Variants in RSPH14 observed in about 807,000 individuals in gnomAD.
RSPH14 encodes rhabdoid tumor deletion region gene 1.
A neutral mutation model predicts 26.7 loss-of-function variants in RSPH14; 20 were observed. The ratio of observed to expected loss-of-function variants is 0.75; its 90% CI spans 0.53 to 1.09. RSPH14 has a LOEUF of 1.09. RSPH14 is among the 50% of genes least tolerant of loss of function. The probability of loss-of-function intolerance (pLI) is 0.00; values close to 1 mark genes in which losing one functional copy is unlikely to be tolerated. For synonymous variants in RSPH14, 177 were observed against 189.3 expected (o/e 0.93, Z 0.53); for missense variants, 449 against 457.2 (o/e 0.98, Z 0.16).
chr22:23,171,905 C>T, the RSPH14 span, among the ~76,000 whole-genome samples: 1 of 150,276 alleles, frequency 6.7e-6, no homozygotes, highest in Non-Finnish European at 1.5e-5. Context: ...AAAGTGGAAG[C>T]CAGGATCGGT....
the RSPH14 span, chr22:23,161,759 G>C: frequency 1.7e-6 from 1 of 576,572 alleles, no homozygotes; most frequent in East Asian, 3.0e-5. Context: ...TTGGGCACTA[G>C]AAAAGGCCCC....
At chr22:23,167,862 A>AT in the RSPH14 span, among the ~76,000 whole-genome samples, 69 of 151,192 alleles carry the variant, frequency 4.6e-4, no homozygotes, top group Admixed American at 3.8e-3. Flanking sequence ...ACTAATTCTC[A>AT]TTTTTTTTGA....
intron 4 of RSPH14, among the ~76,000 whole-genome samples, chr22:23,088,640 G>A (rs2068881560): frequency 6.6e-6 from 1 of 152,190 alleles, no homozygotes; most frequent in African/African-American, 2.4e-5. Context: ...CCGGTAGGGT[G>A]GAAAGGACTT....
chr22:23,166,386 C>A, the RSPH14 span, among the ~76,000 whole-genome samples: 9 of 151,556 alleles, frequency 5.9e-5, no homozygotes, highest in African/African-American at 2.2e-4. Context: ...ATATAGGGAA[C>A]TAAGGGAGAG....
chr22:23,142,882 TG>T (rs1463141099), upstream of RSPH14, among the ~76,000 whole-genome samples: 1 of 152,194 alleles, frequency 6.6e-6, no homozygotes, highest in African/African-American at 2.4e-5. Flanking sequence ...CTCCAGTCCC[TG>T]GGTGATGGCC....
intron 4 of RSPH14, among the ~76,000 whole-genome samples, chr22:23,133,562 C>T (rs1024046331): frequency 2.6e-5 from 4 of 152,092 alleles, no homozygotes; most frequent in African/African-American, 7.2e-5. Context: ...ACCAAATGTT[C>T]GTTTAGGATA....
chr22:23,074,620 G>A (rs920146457), intron 4 of RSPH14, among the ~76,000 whole-genome samples: 2 of 152,198 alleles, frequency 1.3e-5, no homozygotes, highest in African/African-American at 4.8e-5. Flanking sequence ...AGGGATCAAG[G>A]GTAGGTAGGA....
At chr22:23,161,776 C>G in the RSPH14 span, 1 of 560,234 alleles carries the variant, frequency 1.8e-6, no homozygotes, top group Admixed American at 3.1e-5. Context: ...CCCCCACTGG[C>G]TGCCTGGGAG....
Position 23,063,884 on chromosome 22 carries a change from G to A in RSPH14, c.653+18C>T, listed in dbSNP as rs539148196. The A allele has an allele frequency of 6.2e-7, 1 of 1,612,272 alleles. No individual in the cohort carries two copies. Among genetic ancestry groups the A allele is most frequent in the African/African-American group, 1.3e-5 (1 of 74,912 alleles). On this transcript the variant is annotated intron_variant, in intron 5 of 6. Transcript: ENST00000216036. Reference sequence around the variant, plus strand: ...TTCTCCCAGCCTTGGTAGAAACCCAGCCTAGGCCAGGCCTCACCTGACATT... The same window carrying A: ...TTCTCCCAGCCTTGGTAGAAACCCAACCTAGGCCAGGCCTCACCTGACATT...
chr22:23,106,089 C>T (rs1299688421), intron 4 of RSPH14, among the ~76,000 whole-genome samples: 3 of 152,222 alleles, frequency 2.0e-5, no homozygotes, highest in East Asian at 1.9e-4. Context: ...TGTTAAGGCA[C>T]CACCTCCAGT....
In RSPH14 at chr22:23,099,396, G is replaced by A. The variant is rs530871900; in HGVS notation, c.421+34630C>T. Among the ~76,000 whole-genome samples, 8 of 152,388 alleles carry A rather than the reference G, an allele frequency of 5.2e-5. 2 individuals are homozygous for A. Among genetic ancestry groups the A allele is most frequent in the African/African-American group, 1.9e-4 (8 of 41,594 alleles). Reference sequence around the variant, plus strand: ...CCCTGACTAGGGCCAAGTCCTGCAGGTGTGTCAGGCACCCCAGTGCCCCCA... The same window carrying A: ...CCCTGACTAGGGCCAAGTCCTGCAGATGTGTCAGGCACCCCAGTGCCCCCA... On this transcript the variant is annotated intron_variant, in intron 4 of 6. Coordinates refer to ENST00000216036, the MANE Select transcript of RSPH14 (RefSeq NM_014433.3).
chr22:23,140,197 G>T (rs768938654), intron 2 of RSPH14, 25 bp downstream of exon 2: 2 of 1,610,744 alleles, frequency 1.2e-6, no homozygotes, highest in African/African-American at 2.7e-5. Flanking sequence ...CCCAGTCATG[G>T]TCACCTGTGC....
chr22:23,171,258 G>T, the RSPH14 span, among the ~76,000 whole-genome samples: 4 of 152,258 alleles, frequency 2.6e-5, no homozygotes, highest in African/African-American at 4.8e-5. Flanking sequence ...GAGCCACTGA[G>T]CCTGGCCTAC....
At chr22:23,076,139 G>C (rs568789584) in intron 4 of RSPH14, among the ~76,000 whole-genome samples, 51 of 152,318 alleles carry the variant, frequency 3.3e-4, no homozygotes, top group African/African-American at 1.2e-3. Context: ...TCCAGACAGG[G>C]CTGGTGGGGC....
At chr22:23,176,840 G>A in the RSPH14 span, among the ~76,000 whole-genome samples, 20 of 152,160 alleles carry the variant, frequency 1.3e-4, no homozygotes, top group East Asian at 9.6e-4. Context: ...CTTCCTGTGC[G>A]GTTGAGTACA....
chr22:23,107,982 A>C (rs533547891), intron 4 of RSPH14, among the ~76,000 whole-genome samples: 2 of 152,300 alleles, frequency 1.3e-5, no homozygotes, highest in East Asian at 3.9e-4. Context: ...AAAGCCTCCT[A>C]TAGGTGCCCA....
upstream of RSPH14, chr22:23,142,060 C>A (rs1413053154): frequency 2.0e-6 from 2 of 985,180 alleles, no homozygotes; most frequent in African/African-American, 1.7e-5. Flanking sequence ...GCGCCGCGGT[C>A]GACATAATCA....
intron 4 of RSPH14, chr22:23,095,291 A>C (rs2069093118): frequency 4.7e-6 from 1 of 215,004 alleles, no homozygotes; most frequent in Non-Finnish European, 9.4e-6. Context: ...GGGGGGCTGC[A>C]GGGAGCACAC....
upstream of RSPH14, chr22:23,145,332 G>GCC (rs757802962): frequency 2.0e-6 from 3 of 1,519,514 alleles, no homozygotes; most frequent in African/African-American, 2.8e-5. Context: ...TCTGCTGCCA[G>GCC]CCCCGCCCAG....
Sources: gnomAD v4.1 joint callset for allele counts (sites outside exome capture counted in the v4.1 genomes callset) on GRCh38, gnomAD v4.1.1 for gene constraint, MANE v1.5 for transcripts, NCBI Gene and HGNC (gene_info 2026-07-23, HGNC 2026-07-21) for gene names.